Variants in MITF observed in about 807,000 individuals in gnomAD.
The protein encoded by MITF is melanocyte inducing transcription factor.
A neutral mutation model predicts 60.5 loss-of-function variants in MITF; 17 were observed. That is an observed-to-expected ratio of 0.28 (90% CI 0.19 to 0.42). The LOEUF (loss-of-function observed/expected upper bound fraction) is 0.42, where lower values mean the gene tolerates loss of function less well. MITF is among the 10% of genes least tolerant of loss of function. MITF has a pLI of 1.00. For missense variants in MITF, 622 were observed against 683.5 expected (o/e 0.91, Z 1.00); for synonymous variants, 260 against 248.5 (o/e 1.05, Z -0.43).
At chr3:69,791,718 GC>G (rs1432845981) in intron 1 of MITF, among the ~76,000 whole-genome samples, 1 of 152,168 alleles carries the variant, frequency 6.6e-6, no homozygotes, top group African/African-American at 2.4e-5. Context: ...GCAAGTAGAG[GC>G]AAAATACTGG....
intron 1 of MITF, among the ~76,000 whole-genome samples, chr3:69,809,136 T>A (rs2063060163): frequency 4.6e-5 from 7 of 152,160 alleles, no homozygotes; most frequent in Admixed American, 3.9e-4. Context: ...TAAAATTATT[T>A]TGTGCCTCCT....
intron 2 of MITF, among the ~76,000 whole-genome samples, chr3:69,905,551 A>G (rs554313752): frequency 4.6e-4 from 70 of 152,246 alleles, no homozygotes; most frequent in Non-Finnish European, 8.4e-4. Flanking sequence ...TTTTAGAGAA[A>G]GTGCCAAACT....
At chr3:69,817,082 A>G (rs1041641199) in intron 1 of MITF, among the ~76,000 whole-genome samples, 1 of 152,088 alleles carries the variant, frequency 6.6e-6, no homozygotes, top group African/African-American at 2.4e-5. Flanking sequence ...TTCTGAAAAT[A>G]CTCATATAAG....
intron 1 of MITF, among the ~76,000 whole-genome samples, chr3:69,778,434 A>G (rs2062509762): frequency 6.6e-6 from 1 of 152,206 alleles, no homozygotes; most frequent in South Asian, 2.1e-4. Flanking sequence ...GTGTAAACAA[A>G]TAGGGATTTA....
intron 1 of MITF, among the ~76,000 whole-genome samples, chr3:69,778,424 G>T (rs530061935): frequency 2.0e-5 from 3 of 152,174 alleles, no homozygotes; most frequent in Non-Finnish European, 4.4e-5. Flanking sequence ...ATTAACAGTT[G>T]TGTAAACAAA....
intron 1 of MITF, among the ~76,000 whole-genome samples, chr3:69,870,438 A>ATTTTT (rs1228387008): frequency 1.8e-4 from 26 of 141,682 alleles, no homozygotes; most frequent in African/African-American, 6.5e-4. Flanking sequence ...ATATATATAT[A>ATTTTT]TATTTTTTTT....
chr3:69,814,954 G>A (rs1279825587), intron 1 of MITF, among the ~76,000 whole-genome samples: 1 of 152,022 alleles, frequency 6.6e-6, no homozygotes, highest in African/African-American at 2.4e-5. Flanking sequence ...TTCTCCCTGG[G>A]CAAAAACAGG....
intron 1 of MITF, among the ~76,000 whole-genome samples, chr3:69,796,487 C>T (rs1318963445): frequency 7.3e-6 from 1 of 136,082 alleles, no homozygotes; most frequent in South Asian, 2.2e-4. Flanking sequence ...TTACAAACAC[C>T]GTCTTTCTTT....
chr3:69,871,055 G>T (rs952296801), intron 1 of MITF, among the ~76,000 whole-genome samples: 4 of 152,142 alleles, frequency 2.6e-5, no homozygotes, highest in Non-Finnish European at 5.9e-5. Flanking sequence ...GGGCTATCAT[G>T]ACTTCAGGAA....
At chr3:69,774,133 C>A (rs115980679) in intron 1 of MITF, among the ~76,000 whole-genome samples, 11 of 152,172 alleles carry the variant, frequency 7.2e-5, no homozygotes, top group Non-Finnish European at 1.6e-4. Flanking sequence ...ATACCAATAT[C>A]CTTTAAAAAT....
In MITF at chr3:69,938,025, G is replaced by A. The variant is rs1460798970; in HGVS notation, c.558G>A (p.Thr186=). ...CCAACAGCCCCATGGCTATGCTTACGCTTAACTCCAACTGTGAAAAAGAGG... is the reference window on the plus strand; with the variant it reads ...CCAACAGCCCCATGGCTATGCTTACACTTAACTCCAACTGTGAAAAAGAGG... ...SAPNSPMAML[T]LNSNCEKEGF... The change falls in exon 3 of 10, where the codon ACG becomes ACA. Residue 186 remains threonine, a synonymous_variant. Coordinates refer to ENST00000352241, the MANE Select transcript of MITF (RefSeq NM_001354604.2). 12 of 1,614,126 alleles carry A rather than the reference G, an allele frequency of 7.4e-6. No homozygotes were observed. Among genetic ancestry groups the A allele is most frequent in the East Asian group, 4.5e-5 (2 of 44,850 alleles).
At chr3:69,756,659 A>G (rs1445192180) in intron 1 of MITF, among the ~76,000 whole-genome samples, 1 of 152,142 alleles carries the variant, frequency 6.6e-6, no homozygotes, top group African/African-American at 2.4e-5. Context: ...CAGTAATGGG[A>G]TTGCTGGGTC....
intron 2 of MITF, chr3:69,936,943 G>GTTT: frequency 2.2e-6 from 1 of 445,098 alleles, no homozygotes; most frequent in Non-Finnish European, 3.9e-6. Context: ...ATATTAGTAG[G>GTTT]ATTCTTTTTT....
intron 1 of MITF, among the ~76,000 whole-genome samples, chr3:69,848,631 A>G (rs1185655575): frequency 1.3e-5 from 2 of 152,202 alleles, no homozygotes; most frequent in Non-Finnish European, 2.9e-5. Context: ...CAGAGTGGTG[A>G]CAAAGACTAA....
At chr3:69,953,656 T>G (rs2066318541) in intron 7 of MITF, among the ~76,000 whole-genome samples, 1 of 139,280 alleles carries the variant, frequency 7.2e-6, no homozygotes, top group African/African-American at 2.6e-5. Flanking sequence ...TGTATATATA[T>G]ATATATAGAG....
chr3:69,932,368 A>C (rs549722068), intron 2 of MITF, among the ~76,000 whole-genome samples: 1 of 152,294 alleles, frequency 6.6e-6, no homozygotes, highest in African/African-American at 2.4e-5. Flanking sequence ...ATGTGTCATG[A>C]AATATTCTTC....
At chr3:69,759,980 G>A (rs964938122) in intron 1 of MITF, among the ~76,000 whole-genome samples, 8 of 152,048 alleles carry the variant, frequency 5.3e-5, no homozygotes, top group South Asian at 2.1e-4. Flanking sequence ...GGGTTTCACC[G>A]TGTTAGCCAG....
intron 5 of MITF, among the ~76,000 whole-genome samples, chr3:69,945,999 G>C (rs956394479): frequency 6.6e-6 from 1 of 152,168 alleles, no homozygotes; most frequent in Non-Finnish European, 1.5e-5. Context: ...AAGTGGTTTT[G>C]TTGATCAAGT....
At chr3:69,741,061 C>G (rs745938818) in intron 1 of MITF, among the ~76,000 whole-genome samples, 4 of 152,210 alleles carry the variant, frequency 2.6e-5, no homozygotes, top group Non-Finnish European at 5.9e-5. Context: ...TTGCTGAAGA[C>G]TCTTTGTAGA....
Sources: allele counts gnomAD v4.1 joint callset (sites outside exome capture counted in the v4.1 genomes callset), GRCh38; gene constraint gnomAD v4.1.1; transcripts MANE v1.5; gene names NCBI Gene and HGNC (gene_info 2026-07-23, HGNC 2026-07-21).